The following WWC2 variants were observed in gnomAD, a reference collection of about 807,000 sequenced individuals.
The protein encoded by WWC2 is protein WWC2.
In WWC2, 101 loss-of-function variants were observed where a neutral mutation model predicts 138.5. The observed-to-expected ratio is 0.73, with a 90% CI of 0.62 to 0.86. WWC2 has a LOEUF of 0.86. Ranked by LOEUF, WWC2 falls within the 40% of genes least tolerant of loss-of-function variation. The pLI is 0.00. For synonymous variants in WWC2, 558 were observed against 538.4 expected (o/e 1.04, Z -0.50); for missense variants, 1,420 against 1,419.4 (o/e 1.00, Z -0.01).
intron 1 of WWC2, among the ~76,000 whole-genome samples, chr4:183,113,883 A>T (rs960548552): frequency 2.0e-5 from 3 of 151,816 alleles, no homozygotes; most frequent in African/African-American, 7.3e-5. Context: ...TAAAAAACCT[A>T]TGTTTTTTTG....
chr4:183,213,502 A>G (rs1735666849), intron 4 of WWC2, among the ~76,000 whole-genome samples: 1 of 152,222 alleles, frequency 6.6e-6, no homozygotes, highest in African/African-American at 2.4e-5. Flanking sequence ...TTGCAACAAT[A>G]TTAGCAGGTG....
chr4:183,269,288 C>A (rs1160889497), intron 15 of WWC2, 125 bp downstream of exon 15: 2 of 921,642 alleles, frequency 2.2e-6, no homozygotes, highest in Non-Finnish European at 1.7e-6. Context: ...TCTTGGGATA[C>A]ATCTAGTGTT....
At chr4:183,214,702 GA>G (rs1735703561) in intron 4 of WWC2, among the ~76,000 whole-genome samples, 1 of 151,836 alleles carries the variant, frequency 6.6e-6, no homozygotes, top group Non-Finnish European at 1.5e-5. Flanking sequence ...TGAGGCAGGA[GA>G]ATCTCTTGAA....
At chr4:183,155,707 G>A (rs1733785377) in intron 1 of WWC2, among the ~76,000 whole-genome samples, 1 of 152,136 alleles carries the variant, frequency 6.6e-6, no homozygotes, top group South Asian at 2.1e-4. Flanking sequence ...GTCATAAGAT[G>A]TACTTTAAGA....
intron 1 of WWC2, among the ~76,000 whole-genome samples, chr4:183,131,788 A>T (rs1023259285): frequency 2.6e-5 from 4 of 152,186 alleles, no homozygotes; most frequent in African/African-American, 9.7e-5. Flanking sequence ...AACTTTGCAA[A>T]GCTTTAGAGA....
At chr4:183,176,385 G>T (rs944685305) in intron 1 of WWC2, among the ~76,000 whole-genome samples, 1 of 152,172 alleles carries the variant, frequency 6.6e-6, no homozygotes, top group East Asian at 1.9e-4. Context: ...TTGTCTTTTA[G>T]TTGTACTCAG....
chr4:183,200,457 C>G (rs1262331342), intron 2 of WWC2, among the ~76,000 whole-genome samples: 1 of 151,946 alleles, frequency 6.6e-6, no homozygotes, highest in Non-Finnish European at 1.5e-5. Flanking sequence ...ATCTCATTGT[C>G]ACAAATTGTT....
At chr4:183,209,751 T>G (rs1012878380) in intron 4 of WWC2, among the ~76,000 whole-genome samples, 4 of 152,212 alleles carry the variant, frequency 2.6e-5, no homozygotes, top group Non-Finnish European at 4.4e-5. Context: ...GTTTCCTGAA[T>G]CTTGGCCTGA....
chr4:183,236,041 G>A (rs1214004795), intron 4 of WWC2, among the ~76,000 whole-genome samples: 1 of 152,158 alleles, frequency 6.6e-6, no homozygotes, highest in Non-Finnish European at 1.5e-5. Flanking sequence ...ATATGAGAGA[G>A]ATAGGGGTCT....
intron 2 of WWC2, among the ~76,000 whole-genome samples, chr4:183,198,730 G>T (rs1368316452): frequency 1.6e-5 from 2 of 126,474 alleles, no homozygotes; most frequent in Non-Finnish European, 3.1e-5. Flanking sequence ...GAGGTGGGAA[G>T]ATCGCTAGAG....
intron 1 of WWC2, among the ~76,000 whole-genome samples, chr4:183,169,603 G>A (rs1734222463): frequency 6.6e-6 from 1 of 151,942 alleles, no homozygotes; most frequent in Non-Finnish European, 1.5e-5. Context: ...TGTTTTTTGG[G>A]TGGCCATCAG....
chr4:183,286,040 G>A lies in WWC2; in HGVS notation c.3122G>A (p.Arg1041His), dbSNP rs771412200. 13 of 1,579,690 alleles carry A rather than the reference G, an allele frequency of 8.2e-6. No individual in the cohort carries two copies. The highest frequency in any genetic ancestry group is 2.7e-5 in the African/African-American group (2 of 74,396). Residue 1041 changes from arginine (R) to histidine (H), a missense_variant, in exon 20 of 23, where the codon CGC becomes CAC. By Grantham distance (29) the Arg-to-His change is conservative (BLOSUM62 0). Coordinates refer to ENST00000403733, the MANE Select transcript of WWC2 (RefSeq NM_024949.6). The part of the protein sequence containing the change: ...SLFVRNSTER[R>H]SLRVKRTVCQ... ...TTTGTGAGAAACTCCACCGAACGCC[G>A]CAGTTTGAGGGTCAAAAGGGTATGT...
intron 1 of WWC2, among the ~76,000 whole-genome samples, chr4:183,130,056 C>CTTTTTT (rs534398108): frequency 7.2e-6 from 1 of 139,784 alleles, no homozygotes; most frequent in Non-Finnish European, 1.6e-5. Context: ...TCCTAAGTAT[C>CTTTTTT]TTTTTTTTTT....
intron 1 of WWC2, among the ~76,000 whole-genome samples, chr4:183,175,981 A>C (rs1015205363): frequency 6.6e-6 from 1 of 152,250 alleles, no homozygotes; most frequent in Non-Finnish European, 1.5e-5. Flanking sequence ...GCCAGCGTTC[A>C]GCCTCATGAC....
chr4:183,188,821 T>A (rs990791286), intron 1 of WWC2, among the ~76,000 whole-genome samples: 1 of 151,736 alleles, frequency 6.6e-6, no homozygotes, highest in East Asian at 2.0e-4. Flanking sequence ...ATTTTTGTAT[T>A]TTTAGTAGAG....
rs191591537 is a variant in WWC2 at position 183,190,165 on chromosome 4, A to G, written c.132-3434A>G. 4.2e-4 allele frequency among the ~76,000 whole-genome samples: 64 copies of G among 152,266 alleles called. 2 individuals carry two copies. The East Asian group carries it at 0.01, about 25-fold the overall frequency. On this transcript the variant is annotated intron_variant, in intron 1 of 22. Transcript: ENST00000403733. ...TAGTTAATTTCAGGATTTTGTTGTTATTGTTGTTGTTGCTTGTTGTTGCTC... is the reference window on the plus strand; with the variant it reads ...TAGTTAATTTCAGGATTTTGTTGTTGTTGTTGTTGTTGCTTGTTGTTGCTC...
At chr4:183,311,033 C>T (rs1053123798) in intron 21 of WWC2, among the ~76,000 whole-genome samples, 21 of 152,214 alleles carry the variant, frequency 1.4e-4, no homozygotes, top group Middle Eastern at 3.4e-3. Flanking sequence ...AGATTTACAT[C>T]GCTAGTAAGT....
At position 183,281,056 on chromosome 4, in the gene WWC2, G is replaced by A. The variant is rs1011437699; in HGVS notation, c.2684+159G>A. ...GAAAAGTCTTTCCTTGGTCATTAGA[G>A]AGTTAAGGAAGTAATGGCAAGATTA... On this transcript the variant is annotated intron_variant, in intron 17 of 22. Coordinates refer to ENST00000403733, the MANE Select transcript of WWC2 (RefSeq NM_024949.6). 6 of 1,098,762 alleles carry A rather than the reference G, an allele frequency of 5.5e-6. No individual in the cohort carries two copies. In the African/African-American group the frequency reaches 9.9e-5, roughly 18 times the overall value. 68.1% of individuals were successfully genotyped at this position (1,098,762 alleles called of 1,614,324 possible).
chr4:183,289,426 C>A lies in WWC2; in HGVS notation c.3175C>A (p.Gln1059Lys). The change falls in exon 21 of 23, where the codon CAG (glutamine) becomes AAG (lysine). Residue 1059 changes from glutamine (Q) to lysine (K), a missense_variant. Coordinates refer to ENST00000403733, the MANE Select transcript of WWC2 (RefSeq NM_024949.6). ...VCQSVLRRTT[Q>K]ECPVRTSLDL... ...CCAGTCAGTCCTTAGAAGAACAACA[C>A]AGGAATGCCCAGTGCGGACATCTCT... 1 of 1,612,102 alleles carries A rather than the reference C, an allele frequency of 6.2e-7. No homozygotes were observed. Among genetic ancestry groups the A allele is most frequent in the Non-Finnish European group, 8.5e-7 (1 of 1,179,044 alleles).
Sources: allele counts gnomAD v4.1 joint callset (sites outside exome capture counted in the v4.1 genomes callset), GRCh38; gene constraint gnomAD v4.1.1; transcripts MANE v1.5; gene names NCBI Gene and HGNC (gene_info 2026-07-23, HGNC 2026-07-21).